ARHGEF4: variants seen among roughly 807,000 people sequenced by gnomAD.
ARHGEF4 encodes the protein APC-stimulated guanine nucleotide exchange factor 1.
Under a neutral mutation model 162.0 loss-of-function variants are expected in ARHGEF4, and 119 were observed. The observed-to-expected ratio is 0.73, with a 90% CI of 0.63 to 0.86. The LOEUF (loss-of-function observed/expected upper bound fraction) is 0.86, where lower values mean the gene tolerates loss of function less well. Ranked by LOEUF, ARHGEF4 falls within the 40% of genes least tolerant of loss-of-function variation. The pLI is 0.00. For missense variants in ARHGEF4, 2,488 were observed against 2,456.0 expected (o/e 1.01, Z -0.28); for synonymous variants, 1,014 against 979.9 (o/e 1.03, Z -0.65).
intron 4 of ARHGEF4, among the ~76,000 whole-genome samples, chr2:130,974,684 G>A (rs1685587000): frequency 6.6e-6 from 1 of 150,540 alleles, no homozygotes. Flanking sequence ...CTGGTCCCAA[G>A]CTCCTGAGCT....
intron 4 of ARHGEF4, among the ~76,000 whole-genome samples, chr2:131,007,118 G>GT (rs1386111391): frequency 6.6e-6 from 1 of 152,224 alleles, no homozygotes; most frequent in Non-Finnish European, 1.5e-5. Context: ...GGAGACTGCT[G>GT]TGACATTAAT....
chr2:130,982,989 T>C (rs1008656013), intron 4 of ARHGEF4, among the ~76,000 whole-genome samples: 12 of 152,198 alleles, frequency 7.9e-5, no homozygotes, highest in Non-Finnish European at 1.6e-4. Context: ...ATATGAACAT[T>C]TTATATAGTT....
intron 1 of ARHGEF4, among the ~76,000 whole-genome samples, chr2:130,898,915 A>G (rs1166699430): frequency 2.6e-5 from 4 of 152,118 alleles, no homozygotes; most frequent in Non-Finnish European, 4.4e-5. Flanking sequence ...AGGGGGCCCC[A>G]GGAAGATCCC....
At chr2:130,970,709 T>C (rs1192383783) in intron 4 of ARHGEF4, among the ~76,000 whole-genome samples, 2 of 152,216 alleles carry the variant, frequency 1.3e-5, no homozygotes, top group African/African-American at 2.4e-5. Context: ...GTGTTTGGCA[T>C]ATGCATATCT....
chr2:130,891,001 GA>G lies in ARHGEF4; in HGVS notation c.40-22984del, dbSNP rs573250051. On this transcript the variant is annotated intron_variant, in intron 1 of 13. Transcript: ENST00000409359. ...GAGAAACTGAGACCTCTGAGGCAGAGAGAGGCTTTGATCCTTGCTTAGAATC... is the reference window on the plus strand; with the variant it reads ...GAGAAACTGAGACCTCTGAGGCAGAGGAGGCTTTGATCCTTGCTTAGAATC... 1.5e-4 allele frequency among the ~76,000 whole-genome samples: 23 copies of G among 152,284 alleles called. No individual in the cohort carries two copies. The South Asian group carries it at 3.1e-3, about 21-fold the overall frequency.
At chr2:130,872,045 G>A (rs55680361) in intron 1 of ARHGEF4, among the ~76,000 whole-genome samples, 4,002 of 152,334 alleles carry the variant, frequency 0.026, 107 homozygotes, top group East Asian at 0.1. Flanking sequence ...ACAGGGCCTC[G>A]CAGCACCGCA....
intron 4 of ARHGEF4, among the ~76,000 whole-genome samples, chr2:130,987,468 G>C (rs1053369648): frequency 5.9e-5 from 9 of 152,178 alleles, no homozygotes; most frequent in African/African-American, 1.9e-4. Flanking sequence ...GGACCCAAGG[G>C]GGTTGCAGCT....
At chr2:130,989,629 A>C (rs1000906178) in intron 4 of ARHGEF4, among the ~76,000 whole-genome samples, 1 of 152,248 alleles carries the variant, frequency 6.6e-6, no homozygotes, top group Non-Finnish European at 1.5e-5. Flanking sequence ...ACATTTTAGC[A>C]TACTGTATTT....
At chr2:130,844,599 C>T (rs1046201858) in intron 1 of ARHGEF4, among the ~76,000 whole-genome samples, 18 of 152,194 alleles carry the variant, frequency 1.2e-4, no homozygotes, top group Middle Eastern at 3.4e-3. Context: ...GGAAGCTGCC[C>T]CTCTTCCCAG....
chr2:130,967,127 C>T (rs1300163755), intron 4 of ARHGEF4, among the ~76,000 whole-genome samples: 3 of 152,170 alleles, frequency 2.0e-5, no homozygotes, highest in Non-Finnish European at 4.4e-5. Flanking sequence ...CCTCACAGGG[C>T]GCACAGCAGT....
intron 4 of ARHGEF4, among the ~76,000 whole-genome samples, chr2:131,026,743 C>G (rs1305424143): frequency 2.0e-5 from 3 of 152,168 alleles, no homozygotes; most frequent in African/African-American, 4.8e-5. Flanking sequence ...ATGCCAATCA[C>G]AAGAGCTGGC....
intron 1 of ARHGEF4, among the ~76,000 whole-genome samples, chr2:130,897,220 A>T (rs1680212260): frequency 6.6e-6 from 1 of 152,176 alleles, no homozygotes; most frequent in African/African-American, 2.4e-5. Context: ...CTCCCATGAA[A>T]CAAAGGACAA....
Position 130,979,819 on chromosome 2 carries a change from C to G in ARHGEF4, c.3985+33184C>G, listed in dbSNP as rs116253317. The stretch of plus-strand genomic sequence containing the variant: ...AAGGTTTCAGACAGACACCCAATAT[C>G]ACAAAATAGGATCACAAGTTTCTAT... On this transcript the variant is annotated intron_variant, in intron 4 of 13. Transcript: ENST00000409359. Among the ~76,000 whole-genome samples the G allele has an allele frequency of 6.5e-3, 970 of 149,180 alleles. 10 individuals are homozygous for G. The highest frequency in any genetic ancestry group is 0.023 in the African/African-American group (937 of 40,630).
chr2:130,954,963 A>T (rs1158754736), intron 4 of ARHGEF4, among the ~76,000 whole-genome samples: 8 of 149,182 alleles, frequency 5.4e-5, no homozygotes, highest in Admixed American at 6.6e-5. Context: ...GGCTTTGTTC[A>T]TTTTTTTTTC....
At chr2:130,866,742 CAATTCTT>C (rs1278612870) in intron 1 of ARHGEF4, among the ~76,000 whole-genome samples, 1 of 152,160 alleles carries the variant, frequency 6.6e-6, no homozygotes, top group Non-Finnish European at 1.5e-5. Flanking sequence ...TCATGGTGTA[CAATTCTT>C]TTGATACATT....
At chr2:131,041,118 C>A in intron 8 of ARHGEF4, 112 bp from the exon 9 acceptor site, 1 of 1,031,858 alleles carries the variant, frequency 9.7e-7, no homozygotes, top group East Asian at 2.5e-5. Context: ...TCCCCTAGCC[C>A]CCAGCCCAGC....
chr2:130,903,455 T>G lies in ARHGEF4; in HGVS notation c.40-10531T>G, dbSNP rs1244726338. On this transcript the variant is annotated intron_variant, in intron 1 of 13. Coordinates refer to ENST00000409359, the MANE Select transcript of ARHGEF4 (RefSeq NM_001367493.1). ...TTGTATTTTTAGTAGAGATGGGGTT[T>G]CACCATGTTGGCCATGATGGTCTCG... Among the ~76,000 whole-genome samples the G allele has an allele frequency of 2.0e-5, 3 of 152,280 alleles. No individual in the cohort carries two copies. The East Asian group carries it at 5.8e-4, about 29-fold the overall frequency.
rs1462060034 is a variant in ARHGEF4, at chr2:130,988,899, TATAG to T, written c.3986-39044_3986-39041del. ...ATATATATATATATATATATATATA[TATAG>T]AGAGAGAGAGAGAGAGAGAGAGAGA... is the stretch of plus-strand genomic sequence containing the variant. On this transcript the variant is annotated intron_variant, in intron 4 of 13. Transcript: ENST00000409359. Among the ~76,000 whole-genome samples, 242 of 113,006 alleles carry T rather than the reference TATAG, an allele frequency of 2.1e-3. 1 individual carries two copies. Among genetic ancestry groups the T allele is most frequent in the Admixed American group, 4.6e-3 (50 of 10,810 alleles). The allele number at this position is 113,006 out of a possible 152,430, so 74.1% of individuals were successfully genotyped here. A position where few individuals can be genotyped will look rare whatever the true frequency, so the allele number is the denominator to read the frequency against.
intron 1 of ARHGEF4, among the ~76,000 whole-genome samples, chr2:130,876,741 G>A (rs1380495111): frequency 6.6e-6 from 1 of 152,100 alleles, no homozygotes; most frequent in Non-Finnish European, 1.5e-5. Flanking sequence ...ACTCAAAGAT[G>A]AGCAAACAAA....
Sources: gnomAD v4.1 joint callset for allele counts (sites outside exome capture counted in the v4.1 genomes callset) on GRCh38, gnomAD v4.1.1 for gene constraint, MANE v1.5 for transcripts, NCBI Gene and HGNC (gene_info 2026-07-23, HGNC 2026-07-21) for gene names.